KALRN: variants seen among roughly 807,000 people sequenced by gnomAD.
KALRN encodes kalirin.
Under a neutral mutation model 353.7 loss-of-function variants are expected in KALRN, and 70 were observed. The ratio of observed to expected loss-of-function variants is 0.20; its 90% CI spans 0.16 to 0.24. The LOEUF is 0.24. KALRN is among the 10% of genes least tolerant of loss of function. The pLI, the probability that KALRN is intolerant of heterozygous loss-of-function variation, is 1.00. For synonymous variants in KALRN, 1,391 were observed against 1,434.8 expected (o/e 0.97, Z 0.69); for missense variants, 2,791 against 3,756.7 (o/e 0.74, Z 6.72).
intron 25 of KALRN, among the ~76,000 whole-genome samples, chr3:124,470,848 G>A (rs1332133283): frequency 6.6e-6 from 1 of 152,168 alleles, no homozygotes; most frequent in Non-Finnish European, 1.5e-5. Flanking sequence ...ACTGCATATT[G>A]TATTTACTTC....
chr3:124,403,815 A>C lies in KALRN; in HGVS notation c.2346+4944A>C, dbSNP rs1042374611. On this transcript the variant is annotated intron_variant, in intron 13 of 59. Coordinates refer to ENST00000682506, the MANE Select transcript of KALRN (RefSeq NM_001388419.1). ...AAAAACTATGTTGGACATTGAGGAC[A>C]TAACAGGGAGACACAGAAACAGAGA... 2.6e-5 allele frequency among the ~76,000 whole-genome samples: 4 copies of C among 152,250 alleles called. No individual in the cohort carries two copies. The South Asian group carries it at 6.2e-4, about 24-fold the overall frequency.
intron 57 of KALRN, among the ~76,000 whole-genome samples, chr3:124,712,526 G>T (rs2062938994): frequency 6.6e-6 from 1 of 151,698 alleles, no homozygotes; most frequent in East Asian, 1.9e-4. Flanking sequence ...AGGCAGAGTG[G>T]CTCACACCTG....
intron 47 of KALRN, among the ~76,000 whole-genome samples, chr3:124,667,738 G>C (rs181118358): frequency 6.6e-6 from 1 of 152,200 alleles, no homozygotes; most frequent in Non-Finnish European, 1.5e-5. Flanking sequence ...GAAAATTTGT[G>C]GTTACACAGA....
chr3:124,317,337 C>T (rs2078903860), intron 6 of KALRN, among the ~76,000 whole-genome samples: 2 of 152,104 alleles, frequency 1.3e-5, no homozygotes, highest in South Asian at 4.1e-4. Context: ...TGATCCTAGG[C>T]AGGTTATTTA....
At chr3:124,612,561 T>C (rs1561422400) in intron 34 of KALRN, among the ~76,000 whole-genome samples, 1 of 152,328 alleles carries the variant, frequency 6.6e-6, no homozygotes, top group East Asian at 1.9e-4. Flanking sequence ...GGTCTTGAAC[T>C]CCTCACCTCA....
chr3:124,275,646 C>G (rs1211702780), intron 5 of KALRN, among the ~76,000 whole-genome samples: 1 of 152,228 alleles, frequency 6.6e-6, no homozygotes, highest in Non-Finnish European at 1.5e-5. Flanking sequence ...TCTCCCTGCA[C>G]TATTTCAGTT....
chr3:124,071,355 A>G (rs757501472), intron 1 of KALRN, among the ~76,000 whole-genome samples: 9 of 152,216 alleles, frequency 5.9e-5, no homozygotes, highest in Non-Finnish European at 1.2e-4. Flanking sequence ...GCGCGAAAAC[A>G]TACCCAGAGA....
chr3:124,229,323 C>G (rs1434157063), intron 2 of KALRN, among the ~76,000 whole-genome samples: 1 of 152,256 alleles, frequency 6.6e-6, no homozygotes, highest in Non-Finnish European at 1.5e-5. Flanking sequence ...CAGAATCACT[C>G]TGGGTGCCTG....
rs535484391 is a variant in KALRN, at chr3:124,536,131, C to T, written c.4936-26712C>T. Among the ~76,000 whole-genome samples the T allele has an allele frequency of 3.3e-5, 5 of 151,092 alleles. No homozygotes were observed. The South Asian group carries it at 8.4e-4, about 25-fold the overall frequency. On this transcript the variant is annotated intron_variant, in intron 33 of 59. Transcript: ENST00000682506. ...CCCCCAGCCACCCAAAATGAGTCTT[C>T]GTTACTAAGAAGTAAGGGCACGATG... is the stretch of plus-strand genomic sequence containing the variant.
chr3:124,361,858 T>C (rs1432830127), intron 10 of KALRN, among the ~76,000 whole-genome samples: 2 of 150,048 alleles, frequency 1.3e-5, no homozygotes, highest in Non-Finnish European at 2.9e-5. Context: ...GGAGTAGTGA[T>C]GGTGGCAGCA....
At chr3:124,478,589 A>G (rs1321298699) in intron 27 of KALRN, among the ~76,000 whole-genome samples, 1 of 152,204 alleles carries the variant, frequency 6.6e-6, no homozygotes, top group Non-Finnish European at 1.5e-5. Flanking sequence ...ACCTGGGGTT[A>G]GATTTGGAAC....
intron 1 of KALRN, among the ~76,000 whole-genome samples, chr3:124,186,105 A>G (rs1217091723): frequency 6.6e-6 from 1 of 152,160 alleles, no homozygotes; most frequent in East Asian, 1.9e-4. Context: ...TCAGAGAAAA[A>G]GGATGTTTTC....
chr3:124,137,287 T>C (rs529114718), intron 1 of KALRN, among the ~76,000 whole-genome samples: 1 of 152,028 alleles, frequency 6.6e-6, no homozygotes, highest in Non-Finnish European at 1.5e-5. Context: ...GTGAGGTAAG[T>C]GTTAAGTGAT....
chr3:124,720,209 G>T lies in KALRN; in HGVS notation c.*739G>T, dbSNP rs973696345. On this transcript the variant is annotated 3_prime_UTR_variant, in exon 60 of 60. Transcript: ENST00000682506. ...AGAAAATTTTTTCTGTCAATCGCAG[G>T]TTATTTGATTAAGATAGGTTCTTTC... 4 of 152,576 alleles carry T rather than the reference G, an allele frequency of 2.6e-5. No individual in the cohort carries two copies. Among genetic ancestry groups the T allele is most frequent in the African/African-American group, 7.2e-5 (3 of 41,440 alleles). The allele number at this position is 152,576 out of a possible 1,614,324, so 9.5% of individuals were successfully genotyped here.
chr3:124,423,909 C>G (rs988979490), intron 15 of KALRN, among the ~76,000 whole-genome samples: 2 of 152,260 alleles, frequency 1.3e-5, no homozygotes, highest in African/African-American at 4.8e-5. Flanking sequence ...ATATTAAGAA[C>G]AGACTAAGTG....
intron 57 of KALRN, among the ~76,000 whole-genome samples, chr3:124,702,576 A>T (rs1031203263): frequency 6.6e-5 from 10 of 152,172 alleles, no homozygotes; most frequent in Admixed American, 6.5e-4. Context: ...TGGTCAGAAA[A>T]TCTATATGGT....
At chr3:124,064,582 G>A (rs578045516) in intron 1 of KALRN, among the ~76,000 whole-genome samples, 45 of 152,262 alleles carry the variant, frequency 3.0e-4, no homozygotes, top group Admixed American at 6.5e-4. Context: ...ACCTCCCACC[G>A]CACACACTGC....
At chr3:124,094,777 A>G (rs1230316167) in intron 1 of KALRN, 6 of 1,428,566 alleles carry the variant, frequency 4.2e-6, no homozygotes, top group Non-Finnish European at 4.9e-6. Context: ...TCCTCGAGTC[A>G]GCGGTGGTGG....
chr3:124,500,973 A>G (rs2064454123), intron 33 of KALRN, among the ~76,000 whole-genome samples: 1 of 22,998 alleles, frequency 4.3e-5, no homozygotes, highest in Non-Finnish European at 8.5e-5. Flanking sequence ...AACCTGATGG[A>G]TATCTGCTGA....
Sources: gnomAD v4.1 joint callset for allele counts (sites outside exome capture counted in the v4.1 genomes callset) on GRCh38, gnomAD v4.1.1 for gene constraint, MANE v1.5 for transcripts, NCBI Gene and HGNC (gene_info 2026-07-23, HGNC 2026-07-21) for gene names.